The following MGLL variants were observed in gnomAD, a reference collection of about 807,000 sequenced individuals.
The protein encoded by MGLL is lysophospholipase homolog.
Under a neutral mutation model 29.1 loss-of-function variants are expected in MGLL, and 7 were observed. That is an observed-to-expected ratio of 0.24 (90% CI 0.14 to 0.45). The LOEUF (loss-of-function observed/expected upper bound fraction) is 0.45, where lower values mean the gene tolerates loss of function less well. Ranked by LOEUF, MGLL falls within the 20% of genes least tolerant of loss-of-function variation. MGLL has a pLI of 0.99. For synonymous variants in MGLL, 148 were observed against 168.3 expected (o/e 0.88, Z 0.93); for missense variants, 356 against 413.6 (o/e 0.86, Z 1.21).
Position 127,761,565 on chromosome 3 carries a change from C to CTG in MGLL, c.262+20222_262+20223dup, listed in dbSNP as rs1331144176. ...CTTCAAGCTGCATTTCAAGTGCCTTCTGTGTGTGTGTCCACGTGTTCCCCT... is the reference window on the plus strand; with the variant it reads ...CTTCAAGCTGCATTTCAAGTGCCTTCTGTGTGTGTGTGTCCACGTGTTCCCCT... On this transcript the variant is annotated intron_variant, in intron 3 of 7. Transcript: ENST00000265052. The surrounding 1 kb of genome is among the most constrained non-coding windows in gnomAD (Gnocchi z 4.6). Among the ~76,000 whole-genome samples the CTG allele has an allele frequency of 6.6e-6, 1 of 152,218 alleles. No individual in the cohort carries two copies. The highest frequency in any genetic ancestry group is 1.5e-5 in the Non-Finnish European group (1 of 68,034).
At chr3:127,780,992 A>G (rs1186955292) in intron 3 of MGLL, among the ~76,000 whole-genome samples, 1 of 152,190 alleles carries the variant, frequency 6.6e-6, no homozygotes, top group Admixed American at 6.5e-5. Flanking sequence ...AAAACTACAT[A>G]CCGACTCAGA....
intron 6 of MGLL, among the ~76,000 whole-genome samples, chr3:127,707,909 A>G (rs1166936395): frequency 6.6e-6 from 1 of 152,216 alleles, no homozygotes; most frequent in Non-Finnish European, 1.5e-5. Flanking sequence ...AACACCAAAC[A>G]TTCTGCTTCT....
At chr3:127,757,667 G>C (rs2076687278) in intron 3 of MGLL, among the ~76,000 whole-genome samples, 1 of 152,176 alleles carries the variant, frequency 6.6e-6, no homozygotes, top group Non-Finnish European at 1.5e-5. Context: ...AAAAGAAAAA[G>C]CACCCAAAGA....
At chr3:127,728,431 A>G (rs756763961) in intron 3 of MGLL, among the ~76,000 whole-genome samples, 7 of 152,168 alleles carry the variant, frequency 4.6e-5, no homozygotes, top group Non-Finnish European at 1.0e-4. Flanking sequence ...TACTTAAAAG[A>G]TAGTATGCCA....
At position 127,818,378 on chromosome 3, in the gene MGLL, CTT is replaced by C. The variant is rs112476702; in HGVS notation, c.155+3314_155+3315del. On this transcript the variant is annotated intron_variant, in intron 2 of 7. Coordinates refer to ENST00000265052, the MANE Select transcript of MGLL (RefSeq NM_007283.7). ...TTCAGAAGGGATACCTATCTCTAAT[CTT>C]TTTTTTTTTTTAAGAGACAGAATTT... 2.1e-5 allele frequency among the ~76,000 whole-genome samples: 3 copies of C among 141,700 alleles called. No individual in the cohort carries two copies. The East Asian group carries it at 6.0e-4, about 28-fold the overall frequency. The allele number at this position is 141,700 out of a possible 152,430, so 93.0% of individuals were successfully genotyped here. A position where few individuals can be genotyped will look rare whatever the true frequency, so the allele number is the denominator to read the frequency against.
chr3:127,694,287 AT>A (rs57935864), intron 7 of MGLL, among the ~76,000 whole-genome samples: 8,367 of 84,460 alleles, frequency 0.099, 523 homozygotes, highest in Non-Finnish European at 0.11. Context: ...AAAAAAAAAA[AT>A]ATATATATAT....
In MGLL at chr3:127,729,254, A is replaced by AT. The variant is rs1375709958; in HGVS notation, c.263-6689dup. Among the ~76,000 whole-genome samples the AT allele has an allele frequency of 5.9e-5, 9 of 152,254 alleles. No homozygotes were observed. The South Asian group carries it at 1.5e-3, about 25-fold the overall frequency. On this transcript the variant is annotated intron_variant, in intron 3 of 7. Coordinates refer to ENST00000265052, the MANE Select transcript of MGLL (RefSeq NM_007283.7). ...CACGGGTATAAAGGAATTCAGCCAT[A>AT]TTTTCTGTGACTTATATTTCTTTTG... is the stretch of plus-strand genomic sequence containing the variant.
At chr3:127,715,806 C>T (rs1192388816) in intron 5 of MGLL, 5 of 456,630 alleles carry the variant, frequency 1.1e-5, no homozygotes, top group African/African-American at 4.0e-5. Flanking sequence ...CAACCTCCAT[C>T]CTGAGCTGTG....
intron 3 of MGLL, among the ~76,000 whole-genome samples, chr3:127,762,975 C>T (rs72626377): frequency 0.12 from 17,937 of 152,248 alleles, 1,114 homozygotes; most frequent in Middle Eastern, 0.15. Context: ...CTCTGCCTTC[C>T]CCCCATGGCA....
At chr3:127,710,782 G>T in intron 5 of MGLL, 117 bp from the exon 6 acceptor site, 1 of 963,028 alleles carries the variant, frequency 1.0e-6, no homozygotes, top group Non-Finnish European at 1.6e-6. Flanking sequence ...ACATCAGCCA[G>T]GTTCGTCTCC....
chr3:127,739,610 C>T (rs753491254), intron 3 of MGLL, among the ~76,000 whole-genome samples: 1 of 152,192 alleles, frequency 6.6e-6, no homozygotes, highest in East Asian at 1.9e-4. Flanking sequence ...CTACTGTTTC[C>T]TTTGGCTCAT....
intron 3 of MGLL, among the ~76,000 whole-genome samples, chr3:127,764,621 T>C (rs1007439139): frequency 4.6e-5 from 7 of 152,176 alleles, no homozygotes; most frequent in Non-Finnish European, 4.4e-5. Context: ...TTTGCATCGA[T>C]AATCAGGCAT....
chr3:127,766,860 C>T (rs1168872362), intron 3 of MGLL, among the ~76,000 whole-genome samples: 3 of 152,116 alleles, frequency 2.0e-5, no homozygotes, highest in Non-Finnish European at 2.9e-5. Context: ...CACTTGAGGT[C>T]AGGAGTTCAA....
rs1158013247 is a variant in MGLL, at chr3:127,694,140, G to C, written c.816+835C>G. On this transcript the variant is annotated intron_variant, in intron 7 of 7. Transcript: ENST00000265052. ...CAAAAATTAGCCGGGCAGGGTGGCA[G>C]GCGCCTGTAATCCCAGCTACTCAGG... Among the ~76,000 whole-genome samples the C allele has an allele frequency of 4.6e-5, 7 of 151,608 alleles. No individual in the cohort carries two copies. The East Asian group carries it at 1.4e-3, about 30-fold the overall frequency.
intron 6 of MGLL, among the ~76,000 whole-genome samples, chr3:127,704,166 G>A (rs747403379): frequency 3.9e-5 from 6 of 152,198 alleles, no homozygotes; most frequent in Non-Finnish European, 8.8e-5. Flanking sequence ...GGGAAAACTG[G>A]CTAGCCATAT....
chr3:127,750,339 A>AC (rs1353255585), intron 3 of MGLL, among the ~76,000 whole-genome samples: 1 of 152,194 alleles, frequency 6.6e-6, no homozygotes, highest in East Asian at 1.9e-4. Context: ...CTCCCGGCTC[A>AC]CTGGGGGCCT....
intron 3 of MGLL, among the ~76,000 whole-genome samples, chr3:127,778,551 T>C (rs532716286): frequency 1.3e-5 from 2 of 152,320 alleles, no homozygotes; most frequent in Admixed American, 1.3e-4. Context: ...TTCTGCTGTC[T>C]GGGATGAAAG....
intron 2 of MGLL, among the ~76,000 whole-genome samples, chr3:127,788,518 C>T (rs753400510): frequency 6.6e-6 from 1 of 152,100 alleles, no homozygotes; most frequent in Non-Finnish European, 1.5e-5. Flanking sequence ...AGCCCCTCAC[C>T]CTGACCAGCT....
chr3:127,749,027 G>A (rs1260206765), intron 3 of MGLL, among the ~76,000 whole-genome samples: 1 of 152,176 alleles, frequency 6.6e-6, no homozygotes, highest in Non-Finnish European at 1.5e-5. Context: ...TCCCCAGGGA[G>A]TGCTCCCTCT....
Sources: allele counts gnomAD v4.1 joint callset (sites outside exome capture counted in the v4.1 genomes callset), GRCh38; gene constraint gnomAD v4.1.1; non-coding constraint Gnocchi (gnomAD v3.1); transcripts MANE v1.5; gene names NCBI Gene and HGNC (gene_info 2026-07-23, HGNC 2026-07-21).